Variants in NELL1 observed in about 807,000 individuals in gnomAD.
NELL1 encodes protein kinase C-binding protein NELL1.
In NELL1, 76 loss-of-function variants were observed where a neutral mutation model predicts 107.4. The observed-to-expected ratio is 0.71, with a 90% CI of 0.59 to 0.86. The LOEUF (loss-of-function observed/expected upper bound fraction) is 0.86, where lower values mean the gene tolerates loss of function less well. NELL1 is among the 40% of genes least tolerant of loss of function. The pLI, the probability that NELL1 is intolerant of heterozygous loss-of-function variation, is 0.00. For missense variants in NELL1, 1,024 were observed against 1,005.5 expected, an observed-to-expected ratio of 1.02 and a Z score of -0.25; for synonymous variants, 353 against 341.2, an observed-to-expected ratio of 1.03 and a Z score of -0.38.
chr11:20,992,873 C>A (rs1852007179), intron 12 of NELL1, among the ~76,000 whole-genome samples: 1 of 151,986 alleles, frequency 6.6e-6, no homozygotes, highest in East Asian at 1.9e-4. Context: ...CGCCACCACA[C>A]CTGGCTAATT....
chr11:21,251,192 G>A (rs548280684), intron 14 of NELL1, among the ~76,000 whole-genome samples: 47 of 152,194 alleles, frequency 3.1e-4, no homozygotes, highest in African/African-American at 1.0e-3. Context: ...TTACTGCTAA[G>A]GACACTTACT....
Position 21,504,522 on chromosome 11 carries a change from T to C in NELL1, c.1646-29852T>C, listed in dbSNP as rs4307715. On this transcript the variant is annotated intron_variant, in intron 15 of 19. Transcript: ENST00000357134. The stretch of plus-strand genomic sequence containing the variant: ...CTTTTTTTGTACATAATTGAATAAA[T>C]TCACAGGGTGCCTTTGTAATTTTGT... Among the ~76,000 whole-genome samples the C allele has an allele frequency of 0.014, 2,140 of 152,262 alleles. 148 individuals carry two copies. In the East Asian group the frequency reaches 0.23, roughly 16 times the overall value.
chr11:21,409,134 A>G (rs1325053290), intron 15 of NELL1, among the ~76,000 whole-genome samples: 3 of 152,130 alleles, frequency 2.0e-5, no homozygotes, highest in African/African-American at 4.8e-5. Flanking sequence ...ATGCACACGT[A>G]TGTTTATTGC....
intron 12 of NELL1, among the ~76,000 whole-genome samples, chr11:21,071,748 A>G (rs1026971500): frequency 1.3e-5 from 2 of 152,208 alleles, no homozygotes; most frequent in African/African-American, 4.8e-5. Context: ...ATCAGGAATC[A>G]AAGCTCGGCT....
intron 14 of NELL1, among the ~76,000 whole-genome samples, chr11:21,231,274 A>C (rs1249086502): frequency 2.0e-5 from 3 of 152,222 alleles, no homozygotes; most frequent in African/African-American, 7.2e-5. Context: ...GGAAACATGC[A>C]AACTAGTCAC....
chr11:20,740,442 G>A (rs904377312), intron 2 of NELL1, among the ~76,000 whole-genome samples: 2 of 152,160 alleles, frequency 1.3e-5, no homozygotes, highest in Non-Finnish European at 2.9e-5. Context: ...CTCCTTTGGG[G>A]CATTTTCCAA....
intron 13 of NELL1, among the ~76,000 whole-genome samples, chr11:21,115,085 T>A (rs1293810804): frequency 6.6e-6 from 1 of 151,970 alleles, no homozygotes; most frequent in Non-Finnish European, 1.5e-5. Flanking sequence ...ATTTCCTCAC[T>A]GAGAAAGGAA....
At chr11:20,853,717 C>T (rs1343734856) in intron 4 of NELL1, among the ~76,000 whole-genome samples, 1 of 152,168 alleles carries the variant, frequency 6.6e-6, no homozygotes, top group East Asian at 1.9e-4. Flanking sequence ...CCCATGGATT[C>T]AGGACATAAT....
intron 10 of NELL1, among the ~76,000 whole-genome samples, chr11:20,939,598 G>T (rs866064665): frequency 3.3e-5 from 5 of 152,088 alleles, no homozygotes; most frequent in Admixed American, 3.3e-4. Context: ...GGAAGAATTC[G>T]ACCCCTTTAT....
At chr11:21,090,342 A>G (rs1209277831) in intron 12 of NELL1, among the ~76,000 whole-genome samples, 1 of 152,114 alleles carries the variant, frequency 6.6e-6, no homozygotes, top group Admixed American at 6.6e-5. Context: ...TACAGCCATG[A>G]TGTGGATCAT....
chr11:20,888,006 T>A (rs1488708766), intron 5 of NELL1, among the ~76,000 whole-genome samples: 1 of 152,038 alleles, frequency 6.6e-6, no homozygotes, highest in African/African-American at 2.4e-5. Context: ...TTAAAATGTT[T>A]GAAGAATCAA....
chr11:20,935,732 A>T (rs1018770172), intron 9 of NELL1: 1 of 152,362 alleles, frequency 6.6e-6, no homozygotes, highest in African/African-American at 2.4e-5. Context: ...AAGAAGAGGG[A>T]TGACGACAGC....
At chr11:21,062,264 T>C (rs907239017) in intron 12 of NELL1, among the ~76,000 whole-genome samples, 29 of 152,352 alleles carry the variant, frequency 1.9e-4, no homozygotes, top group African/African-American at 6.3e-4. Flanking sequence ...GTTGGTTACA[T>C]AAAATATATA....
intron 14 of NELL1, among the ~76,000 whole-genome samples, chr11:21,290,782 A>C (rs916833434): frequency 4.6e-5 from 7 of 152,224 alleles, no homozygotes; most frequent in Non-Finnish European, 2.9e-5. Flanking sequence ...ACTAACAGAA[A>C]GGAATAGCAT....
intron 12 of NELL1, among the ~76,000 whole-genome samples, chr11:21,075,308 A>G (rs1305062293): frequency 6.6e-6 from 1 of 152,190 alleles, no homozygotes; most frequent in Non-Finnish European, 1.5e-5. Context: ...ACCTCCATGT[A>G]TCTTCCTTAA....
intron 12 of NELL1, among the ~76,000 whole-genome samples, chr11:21,071,126 C>T (rs959117609): frequency 1.3e-5 from 2 of 152,020 alleles, no homozygotes; most frequent in African/African-American, 4.8e-5. Context: ...TAAATCCTGC[C>T]CCATTCGCTG....
At chr11:21,417,873 A>G (rs1564884478) in intron 15 of NELL1, among the ~76,000 whole-genome samples, 1 of 152,036 alleles carries the variant, frequency 6.6e-6, no homozygotes, top group Non-Finnish European at 1.5e-5. Flanking sequence ...AAAATGAAAC[A>G]AAACAAAACA....
chr11:21,403,446 G>C (rs966096347), intron 15 of NELL1, among the ~76,000 whole-genome samples: 6 of 151,650 alleles, frequency 4.0e-5, no homozygotes, highest in African/African-American at 1.5e-4. Flanking sequence ...CTGATCTTAG[G>C]ACACAGCTAG....
rs964889798 is a variant in NELL1 at position 20,918,317 on chromosome 11, C to T, written c.676+63C>T. On this transcript the variant is annotated intron_variant, in intron 6 of 19. Coordinates refer to ENST00000357134, the MANE Select transcript of NELL1 (RefSeq NM_006157.5). ...ACTTGTTGATTGTATCAGAGAAACA[C>T]ATCTGGAAAGATAGACCCAAATTGT... The T allele has an allele frequency of 7.6e-6, 8 of 1,051,264 alleles. No homozygotes were observed. The African/African-American group carries it at 7.9e-5, about 10-fold the overall frequency. 65.1% of individuals were successfully genotyped at this position (1,051,264 alleles called of 1,614,324 possible).
Sources: allele counts gnomAD v4.1 joint callset (sites outside exome capture counted in the v4.1 genomes callset), GRCh38; gene constraint gnomAD v4.1.1; transcripts MANE v1.5; gene names NCBI Gene and HGNC (gene_info 2026-07-23, HGNC 2026-07-21).